EPHB1: variants seen among roughly 807,000 people sequenced by gnomAD.
EPHB1 encodes ephrin type-B receptor 1.
EPHB1 carries 30 observed loss-of-function variants against 94.4 expected under a neutral mutation model. The observed-to-expected ratio is 0.32, with a 90% CI of 0.24 to 0.43. The LOEUF (loss-of-function observed/expected upper bound fraction) is 0.43, where lower values mean the gene tolerates loss of function less well. Among genes scored for constraint, EPHB1 ranks in the 20% least tolerant of loss-of-function variants. The probability of loss-of-function intolerance (pLI) is 1.00; values close to 1 mark genes in which losing one functional copy is unlikely to be tolerated. For synonymous variants in EPHB1, 522 were observed against 489.1 expected, an observed-to-expected ratio of 1.07 and a Z score of -0.89; for missense variants, 1,055 against 1,308.3, an observed-to-expected ratio of 0.81 and a Z score of 2.99.
chr3:134,935,654 G>A (rs555849332), intron 2 of EPHB1, among the ~76,000 whole-genome samples: 12 of 152,150 alleles, frequency 7.9e-5, no homozygotes, highest in African/African-American at 2.9e-4. Flanking sequence ...CACTTGCCCT[G>A]ATTAGTACTA....
intron 3 of EPHB1, among the ~76,000 whole-genome samples, chr3:135,080,073 T>A (rs1938109084): frequency 6.6e-6 from 1 of 152,176 alleles, no homozygotes; most frequent in Non-Finnish European, 1.5e-5. Context: ...TGGGCTAATG[T>A]TCCACACTTC....
intron 12 of EPHB1, among the ~76,000 whole-genome samples, chr3:135,216,378 G>A (rs72630179): frequency 0.044 from 6,658 of 152,102 alleles, 279 homozygotes; most frequent in East Asian, 0.21. Flanking sequence ...ATCAGCCCTG[G>A]AGATCCTGAG....
Position 135,237,995 on chromosome 3 carries a change from T to C in EPHB1, c.2347-3153T>C, listed in dbSNP as rs114732781. Among the ~76,000 whole-genome samples the C allele has an allele frequency of 8.9e-3, 1,360 of 152,294 alleles. 20 individuals carry two copies. The highest frequency in any genetic ancestry group is 0.03 in the African/African-American group (1,255 of 41,566). ...ACAGGGCTGGTCACCATCCTCTAAA[T>C]TAATAGATTTCCTTTCACATAATTG... On this transcript the variant is annotated intron_variant, in intron 12 of 15. Coordinates refer to ENST00000398015, the MANE Select transcript of EPHB1 (RefSeq NM_004441.5).
At chr3:134,815,631 T>G (rs2036255533) in intron 1 of EPHB1, among the ~76,000 whole-genome samples, 2 of 152,216 alleles carry the variant, frequency 1.3e-5, no homozygotes, top group Non-Finnish European at 2.9e-5. Flanking sequence ...TTTCAAAGTT[T>G]GATGGATGTT....
At chr3:135,017,409 T>G (rs1169361946) in intron 3 of EPHB1, among the ~76,000 whole-genome samples, 1 of 152,154 alleles carries the variant, frequency 6.6e-6, no homozygotes, top group Non-Finnish European at 1.5e-5. Flanking sequence ...ATAGTGTGCG[T>G]GTGTGAGTGA....
intron 3 of EPHB1, among the ~76,000 whole-genome samples, chr3:135,060,182 A>AT (rs1219682435): frequency 6.6e-5 from 10 of 152,162 alleles, no homozygotes; most frequent in African/African-American, 2.4e-4. Flanking sequence ...ATCACACGAC[A>AT]TTTCCAGCTC....
chr3:135,119,526 C>T (rs577529545), intron 4 of EPHB1, among the ~76,000 whole-genome samples: 20 of 152,156 alleles, frequency 1.3e-4, no homozygotes, highest in Non-Finnish European at 1.5e-4. Flanking sequence ...AATCTAGGTT[C>T]ACTGCAACCT....
At chr3:135,074,400 C>G (rs1011472431) in intron 3 of EPHB1, among the ~76,000 whole-genome samples, 1 of 152,080 alleles carries the variant, frequency 6.6e-6, no homozygotes, top group Admixed American at 6.6e-5. Flanking sequence ...TTCCTCCACT[C>G]CAGACTTTGT....
intron 1 of EPHB1, among the ~76,000 whole-genome samples, chr3:134,841,226 T>C (rs2036770863): frequency 6.6e-6 from 1 of 152,140 alleles, no homozygotes; most frequent in Non-Finnish European, 1.5e-5. Flanking sequence ...TGGCAGGCAG[T>C]AGCCAGGACA....
intron 1 of EPHB1, among the ~76,000 whole-genome samples, chr3:134,892,248 G>GACAA (rs2037998972): frequency 6.6e-6 from 1 of 152,228 alleles, no homozygotes; most frequent in African/African-American, 2.4e-5. Flanking sequence ...GTGTGGGCAT[G>GACAA]ACAATACCAG....
intron 3 of EPHB1, among the ~76,000 whole-genome samples, chr3:135,055,135 C>G (rs1301792275): frequency 6.6e-6 from 1 of 152,130 alleles, no homozygotes; most frequent in Non-Finnish European, 1.5e-5. Context: ...AATCAAGAAC[C>G]TTATTTTTAA....
intron 1 of EPHB1, among the ~76,000 whole-genome samples, chr3:134,864,380 C>T (rs923289911): frequency 2.0e-4 from 31 of 152,186 alleles, no homozygotes; most frequent in African/African-American, 7.5e-4. Context: ...AGCTTGCCTT[C>T]CCTCTGTCTG....
At chr3:135,063,992 A>G (rs1411304239) in intron 3 of EPHB1, among the ~76,000 whole-genome samples, 1 of 152,138 alleles carries the variant, frequency 6.6e-6, no homozygotes, top group African/African-American at 2.4e-5. Flanking sequence ...GTGGTGTATT[A>G]CATTTATTGA....
intron 3 of EPHB1, among the ~76,000 whole-genome samples, chr3:135,059,751 G>T (rs1352592568): frequency 1.3e-5 from 2 of 152,208 alleles, no homozygotes; most frequent in Non-Finnish European, 2.9e-5. Flanking sequence ...TAAACTCCTG[G>T]GGAACTTGAA....
chr3:134,955,672 C>T (rs1015532044), intron 3 of EPHB1, among the ~76,000 whole-genome samples: 2 of 148,014 alleles, frequency 1.4e-5, no homozygotes, highest in Admixed American at 6.7e-5. Context: ...CACATGCACA[C>T]GTATGTTTAT....
intron 12 of EPHB1, among the ~76,000 whole-genome samples, chr3:135,224,937 C>G (rs1301945949): frequency 6.6e-6 from 1 of 152,188 alleles, no homozygotes; most frequent in African/African-American, 2.4e-5. Context: ...GGCCGCTGCT[C>G]CCTGTTCTAG....
At chr3:135,128,970 T>G (rs1050084934) in intron 4 of EPHB1, among the ~76,000 whole-genome samples, 1 of 152,086 alleles carries the variant, frequency 6.6e-6, no homozygotes, top group Non-Finnish European at 1.5e-5. Context: ...CTCCTAGCCC[T>G]CTGAGTCCAT....
At chr3:134,964,799 C>T (rs1181186714) in intron 3 of EPHB1, among the ~76,000 whole-genome samples, 4 of 152,180 alleles carry the variant, frequency 2.6e-5, no homozygotes, top group Non-Finnish European at 5.9e-5. Context: ...TCTGTCTTCT[C>T]TCTAGACTTG....
At chr3:134,896,988 G>A (rs2038098306) in intron 1 of EPHB1, among the ~76,000 whole-genome samples, 1 of 152,228 alleles carries the variant, frequency 6.6e-6, no homozygotes, top group Non-Finnish European at 1.5e-5. Flanking sequence ...GGGCTGTATG[G>A]AGTGTGGGCC....
Sources: gnomAD v4.1 joint callset for allele counts (sites outside exome capture counted in the v4.1 genomes callset) on GRCh38, gnomAD v4.1.1 for gene constraint, MANE v1.5 for transcripts, NCBI Gene and HGNC (gene_info 2026-07-23, HGNC 2026-07-21) for gene names.